Variants in PCLAF observed in about 807,000 individuals in gnomAD.
PCLAF encodes the protein PCNA-associated factor.
PCLAF carries 12 observed loss-of-function variants against 15.1 expected under a neutral mutation model. The observed-to-expected ratio is 0.79, with a 90% CI of 0.51 to 1.29. PCLAF has a LOEUF of 1.29. PCLAF is among the 50% of genes most tolerant of loss of function. The pLI, the probability that PCLAF is intolerant of heterozygous loss-of-function variation, is 0.00. For synonymous variants in PCLAF, 33 were observed against 47.1 expected (o/e 0.70, Z 1.22); for missense variants, 116 against 130.9 (o/e 0.89, Z 0.56).
intron 2 of PCLAF, among the ~76,000 whole-genome samples, chr15:64,379,895 TCAAA>T (rs892214303): frequency 6.6e-6 from 1 of 151,348 alleles, no homozygotes; most frequent in African/African-American, 2.4e-5. Flanking sequence ...GACATCATAC[TCAAA>T]CAAACAAACA....
At chr15:64,382,533 C>G (rs569573900), upstream of PCLAF, 1 of 153,890 alleles carries the variant, frequency 6.5e-6, no homozygotes, top group African/African-American at 2.4e-5. Context: ...ACGAAAAGAC[C>G]CTGCCAAATG....
chr15:64,373,616 G>A lies in PCLAF; in HGVS notation c.290+3127C>T, dbSNP rs948107017. The stretch of plus-strand genomic sequence containing the variant: ...AGTAGCTTCCGGCATACTGGTTAAA[G>A]GAACAAATGAAGAAACCTGCACGGG... On this transcript the variant is annotated intron_variant, in intron 3 of 3. Transcript: ENST00000300035. 2.0e-6 allele frequency: 3 copies of A among 1,496,736 alleles called. No individual in the cohort carries two copies. The Admixed American group carries it at 6.5e-5, about 32-fold the overall frequency. 92.7% of individuals were successfully genotyped at this position (1,496,736 alleles called of 1,614,324 possible). A position where few individuals can be genotyped will look rare whatever the true frequency, so the allele number is the denominator to read the frequency against.
At chr15:64,368,301 C>G (rs1899134496) in intron 3 of PCLAF, among the ~76,000 whole-genome samples, 1 of 151,910 alleles carries the variant, frequency 6.6e-6, no homozygotes, top group Admixed American at 6.6e-5. Context: ...GCAACAAGAG[C>G]AAAAACTCTG....
At chr15:64,382,440 GA>G (rs1899847776), upstream of PCLAF, 1 of 149,610 alleles carries the variant, frequency 6.7e-6, no homozygotes, top group Admixed American at 6.7e-5. Context: ...AAGAAAGAAA[GA>G]AAAGAAAAGA....
At chr15:64,375,617 T>C (rs1899577168) in intron 3 of PCLAF, among the ~76,000 whole-genome samples, 1 of 152,102 alleles carries the variant, frequency 6.6e-6, no homozygotes, top group African/African-American at 2.4e-5. Context: ...GGTCTGGAAC[T>C]CCTGAGCTCA....
intron 1 of PCLAF, among the ~76,000 whole-genome samples, chr15:64,387,263 TC>T (rs1899965633): frequency 6.6e-6 from 1 of 152,026 alleles, no homozygotes; most frequent in Admixed American, 6.6e-5. Context: ...GTGCCTGTAG[TC>T]CCAGCTACTT....
chr15:64,383,309 G>A (rs1899870595), upstream of PCLAF, among the ~76,000 whole-genome samples: 1 of 151,642 alleles, frequency 6.6e-6, no homozygotes, highest in African/African-American at 2.4e-5. Flanking sequence ...AAGACCCAGG[G>A]CATTCCTTTG....
intron 1 of PCLAF, among the ~76,000 whole-genome samples, chr15:64,387,097 A>G (rs1056287917): frequency 6.6e-6 from 1 of 152,032 alleles, no homozygotes; most frequent in African/African-American, 2.4e-5. Context: ...GCTCTCCTGG[A>G]AAATACATGG....
intron 2 of PCLAF, among the ~76,000 whole-genome samples, chr15:64,377,410 T>C (rs1256215384): frequency 7.2e-6 from 1 of 138,772 alleles, no homozygotes; most frequent in Non-Finnish European, 1.5e-5. Flanking sequence ...GAGGTTGCAG[T>C]GAGCCAAGAT....
chr15:64,375,837 A>G (rs1392600772), intron 3 of PCLAF, among the ~76,000 whole-genome samples: 3 of 152,214 alleles, frequency 2.0e-5, no homozygotes, highest in Non-Finnish European at 4.4e-5. Flanking sequence ...GACTCAATAC[A>G]CTAAGTTCAT....
At chr15:64,386,756 T>C (rs1373839066) in intron 1 of PCLAF, among the ~76,000 whole-genome samples, 1 of 152,110 alleles carries the variant, frequency 6.6e-6, no homozygotes, top group Admixed American at 6.6e-5. Flanking sequence ...CTCATGATTT[T>C]AATTATAATA....
chr15:64,377,585 A>T (rs764181699), intron 2 of PCLAF, among the ~76,000 whole-genome samples: 40 of 134,262 alleles, frequency 3.0e-4, no homozygotes, highest in Non-Finnish European at 5.8e-4. Flanking sequence ...TTTTCCTAAC[A>T]TAAGATAGGA....
At chr15:64,381,092 C>T in intron 1 of PCLAF, 54 bp from the exon 2 acceptor site, 5 of 1,543,810 alleles carry the variant, frequency 3.2e-6, no homozygotes, top group South Asian at 1.1e-5. Context: ...GTTCCGACAC[C>T]GAGTCCTGGA....
chr15:64,384,165 C>T (rs1004536173), upstream of PCLAF, among the ~76,000 whole-genome samples: 1 of 152,068 alleles, frequency 6.6e-6, no homozygotes, highest in Admixed American at 6.6e-5. Context: ...GACAGAGTCT[C>T]ACTCTGTCAT....
chr15:64,386,580 C>T (rs1054411022), intron 1 of PCLAF, among the ~76,000 whole-genome samples: 5 of 152,018 alleles, frequency 3.3e-5, no homozygotes, highest in African/African-American at 9.7e-5. Context: ...GCCTCTGATT[C>T]CCAAAGTGCT....
At chr15:64,371,211 G>A (rs950691763) in intron 3 of PCLAF, among the ~76,000 whole-genome samples, 11 of 151,048 alleles carry the variant, frequency 7.3e-5, no homozygotes, top group African/African-American at 2.2e-4. Flanking sequence ...CTCGTGATCC[G>A]CCCACCTCGG....
At position 64,376,541 on chromosome 15, in the gene PCLAF, T is replaced by C. The variant is rs185371200; in HGVS notation, c.290+202A>G. On this transcript the variant is annotated intron_variant, in intron 3 of 3. Coordinates refer to ENST00000300035, the MANE Select transcript of PCLAF (RefSeq NM_014736.6). ...ACCAAGCAATTCTTTTGTTTGAGCC[T>C]CCCAAATAGCTAGGACAACAGGTGT... 1.4e-4 allele frequency among the ~76,000 whole-genome samples: 22 copies of C among 152,222 alleles called. No homozygotes were observed. The East Asian group carries it at 3.1e-3, about 21-fold the overall frequency.
chr15:64,381,725 GAA>G (rs1360874661), upstream of PCLAF, among the ~76,000 whole-genome samples: 4 of 152,204 alleles, frequency 2.6e-5, no homozygotes, highest in East Asian at 7.7e-4. Flanking sequence ...GCTTAGAAAA[GAA>G]AACCTAGCAA....
intron 3 of PCLAF, among the ~76,000 whole-genome samples, chr15:64,367,877 A>G (rs1899112161): frequency 1.5e-5 from 2 of 132,458 alleles, no homozygotes; most frequent in Admixed American, 1.7e-4. Flanking sequence ...GGAAAAGTCA[A>G]TTCAAAACTT....
Sources: gnomAD v4.1 joint callset for allele counts (sites outside exome capture counted in the v4.1 genomes callset) on GRCh38, gnomAD v4.1.1 for gene constraint, MANE v1.5 for transcripts, NCBI Gene and HGNC (gene_info 2026-07-23, HGNC 2026-07-21) for gene names.